Variants in LIPK observed in about 807,000 individuals in gnomAD.
LIPK encodes lipase member K.
Under a neutral mutation model 48.6 loss-of-function variants are expected in LIPK, and 32 were observed. That is an observed-to-expected ratio of 0.66 (90% CI 0.50 to 0.88). The LOEUF (loss-of-function observed/expected upper bound fraction) is 0.88, where lower values mean the gene tolerates loss of function less well. Ranked by LOEUF, LIPK falls within the 40% of genes least tolerant of loss-of-function variation. The pLI, the probability that LIPK is intolerant of heterozygous loss-of-function variation, is 0.00. For synonymous variants in LIPK, 164 were observed against 157.4 expected (o/e 1.04, Z -0.32); for missense variants, 507 against 478.5 (o/e 1.06, Z -0.56).
At chr10:88,743,152 T>C in intron 8 of LIPK, 98 bp from the exon 9 acceptor site, 1 of 674,086 alleles carries the variant, frequency 1.5e-6, no homozygotes, top group Non-Finnish European at 2.5e-6. Flanking sequence ...TTCTAAAGAC[T>C]GGGGCATAAT....
chr10:88,719,589 T>C (rs1414227325), intron 1 of LIPK, among the ~76,000 whole-genome samples: 1 of 152,234 alleles, frequency 6.6e-6, no homozygotes, highest in Non-Finnish European at 1.5e-5. Flanking sequence ...AATTCTTCTG[T>C]AGAAACTGAC....
chr10:88,752,724 A>C lies in LIPK; in HGVS notation c.1168A>C (p.Ile390Leu), dbSNP rs1292633222. The change falls in exon 10 of 10, where the codon ATT becomes CTT. Residue 390 changes from isoleucine to leucine, a missense_variant. Transcript: ENST00000404190. Reference protein sequence around the residue: ...DAPQEIYQDLIILMEEYLQN With the variant: ...DAPQEIYQDLLILMEEYLQN ...ACCTCAGGAAATTTACCAAGACCTA[A>C]TTATATTGATGGAAGAATATTTACA... is the stretch of plus-strand genomic sequence containing the variant. The C allele has an allele frequency of 6.4e-7, 1 of 1,558,968 alleles. No individual in the cohort carries two copies. The highest frequency in any genetic ancestry group is 1.9e-5 in the Admixed American group (1 of 52,958).
At chr10:88,726,618 G>A (rs567516448) in intron 2 of LIPK, among the ~76,000 whole-genome samples, 177 bp from the exon 3 acceptor site, 2 of 152,228 alleles carry the variant, frequency 1.3e-5, no homozygotes, top group Admixed American at 6.5e-5. Flanking sequence ...AGCTTGAGCC[G>A]AGGAGGCGAA....
intron 1 of LIPK, among the ~76,000 whole-genome samples, chr10:88,715,609 T>C (rs552695193): frequency 6.6e-6 from 1 of 152,242 alleles, no homozygotes; most frequent in Admixed American, 6.5e-5. Context: ...TTGCCTTTTT[T>C]TAGAGTATTT....
rs761431238 is a variant in LIPK at position 88,739,967 on chromosome 10, C to T, written c.817-29C>T. 3 of 1,485,512 alleles carry T rather than the reference C, an allele frequency of 2.0e-6. No individual in the cohort carries two copies. In the African/African-American group the frequency reaches 4.1e-5, roughly 21 times the overall value. The allele number at this position is 1,485,512 out of a possible 1,614,324, so 92.0% of individuals were successfully genotyped here. A position where few individuals can be genotyped will look rare whatever the true frequency, so the allele number is the denominator to read the frequency against. On this transcript the variant is annotated intron_variant, in intron 7 of 9. Coordinates refer to ENST00000404190, the MANE Select transcript of LIPK (RefSeq NM_001080518.2). ...ACTTGTGGTATGATGATATGATTAG[C>T]CTCTAGATGAGAAGTAATCTCTTTG...
chr10:88,706,580 A>C (rs1841939761), intron 1 of LIPK, among the ~76,000 whole-genome samples: 1 of 152,140 alleles, frequency 6.6e-6, no homozygotes, highest in East Asian at 1.9e-4. Flanking sequence ...CAGTGAGAGG[A>C]GGTATCACAA....
intron 1 of LIPK, among the ~76,000 whole-genome samples, chr10:88,722,145 A>G (rs1243138892): frequency 6.6e-6 from 1 of 152,116 alleles, no homozygotes; most frequent in Non-Finnish European, 1.5e-5. Context: ...TAAAACTACA[A>G]AAAATTAGGT....
chr10:88,728,314 C>G (rs1388337399), intron 3 of LIPK: 2 of 177,804 alleles, frequency 1.1e-5, no homozygotes, highest in Admixed American at 6.1e-5. Flanking sequence ...CCAGCCGCAG[C>G]TGGGCCAAGG....
chr10:88,720,482 G>A (rs898943210), intron 1 of LIPK, among the ~76,000 whole-genome samples: 46 of 152,098 alleles, frequency 3.0e-4, no homozygotes, highest in Admixed American at 2.1e-3. Context: ...ACAAGTTTAC[G>A]TATATAACAA....
At chr10:88,722,889 CTT>C (rs398014386) in intron 1 of LIPK, among the ~76,000 whole-genome samples, 6 of 113,202 alleles carry the variant, frequency 5.3e-5, no homozygotes, top group Non-Finnish European at 8.4e-5. Context: ...TTTCTTTTTT[CTT>C]TTTTTTTTTT....
intron 1 of LIPK, among the ~76,000 whole-genome samples, chr10:88,716,356 CTTTTTTTTT>C (rs11374780): frequency 2.5e-5 from 3 of 120,338 alleles, no homozygotes; most frequent in Non-Finnish European, 3.3e-5. Context: ...AGGAAAATTT[CTTTTTTTTT>C]TTTTTTTTTT....
intron 7 of LIPK, among the ~76,000 whole-genome samples, chr10:88,739,169 C>CTGA (rs543926580): frequency 0.015 from 2,158 of 145,176 alleles, 50 homozygotes; most frequent in African/African-American, 0.051. Context: ...TCTAAATATA[C>CTGA]CGACTGAATT....
At chr10:88,728,810 T>C in intron 3 of LIPK, 1 of 175,582 alleles carries the variant, frequency 5.7e-6, no homozygotes, top group Non-Finnish European at 1.2e-5. Flanking sequence ...TGGCGGGGAC[T>C]CCGGCTCTTT....
At chr10:88,718,991 G>A (rs965923648) in intron 1 of LIPK, among the ~76,000 whole-genome samples, 1 of 152,080 alleles carries the variant, frequency 6.6e-6, no homozygotes, top group Non-Finnish European at 1.5e-5. Flanking sequence ...CAAAACTAGA[G>A]ACACAGAAGA....
In LIPK at chr10:88,732,485, T is replaced by G. The variant is rs753689269; in HGVS notation, c.603T>G (p.Val201=). The change falls in exon 6 of 10, where the codon GTT becomes GTG. Residue 201 remains valine (V), a synonymous_variant. Transcript: ENST00000404190. ...KIKIFFALAP[V]VTVKYTQSPM... is the part of the protein sequence containing the mutation. ...AGATATTTTTTGCACTGGCTCCAGT[T>G]GTCACAGTTAAATACACCCAAAGTC... is the stretch of plus-strand genomic sequence containing the variant. The G allele has an allele frequency of 2.5e-6, 4 of 1,613,902 alleles. No individual in the cohort carries two copies. The South Asian group carries it at 4.4e-5, about 18-fold the overall frequency.
At position 88,721,495 on chromosome 10, in the gene LIPK, C is replaced by G. The variant is rs1199316139; in HGVS notation, c.-11-3038C>G. On this transcript the variant is annotated intron_variant, in intron 1 of 9. Coordinates refer to ENST00000404190, the MANE Select transcript of LIPK (RefSeq NM_001080518.2). ...GCTGCGGTGTGTCATCCTTCTATAT[C>G]CAGATCCATATAACACAGGGGAACA... Among the ~76,000 whole-genome samples the G allele has an allele frequency of 2.6e-5, 4 of 152,288 alleles. No individual in the cohort carries two copies. In the East Asian group the frequency reaches 5.8e-4, roughly 22 times the overall value.
At chr10:88,749,747 G>A (rs1842831970) in intron 9 of LIPK, among the ~76,000 whole-genome samples, 1 of 152,086 alleles carries the variant, frequency 6.6e-6, no homozygotes, top group Non-Finnish European at 1.5e-5. Flanking sequence ...TGATAAAGAT[G>A]CAAAAATTTC....
chr10:88,717,829 GAT>G (rs1842148180), intron 1 of LIPK, among the ~76,000 whole-genome samples: 1 of 150,970 alleles, frequency 6.6e-6, no homozygotes, highest in Admixed American at 6.6e-5. Flanking sequence ...AGCTTATTAA[GAT>G]AAGAAGTGAA....
Position 88,752,552 on chromosome 10 carries a change from A to G in LIPK, c.996A>G (p.Glu332=). The change falls in exon 10 of 10, where the codon GAA becomes GAG. Residue 332 remains glutamate (E), a synonymous_variant. Coordinates refer to ENST00000404190, the MANE Select transcript of LIPK (RefSeq NM_001080518.2). ...TPPLYNITKM[E]VPTAIWNGGQ... Reference sequence around the variant, plus strand: ...CTTTATACAACATTACTAAGATGGAAGTTCCAACAGCAATATGGAATGGTG... The same window carrying G: ...CTTTATACAACATTACTAAGATGGAGGTTCCAACAGCAATATGGAATGGTG... 2 of 1,563,014 alleles carry G rather than the reference A, an allele frequency of 1.3e-6. No homozygotes were observed. Among genetic ancestry groups the G allele is most frequent in the Non-Finnish European group, 1.7e-6 (2 of 1,149,814 alleles).
Sources: gnomAD v4.1 joint callset for allele counts (sites outside exome capture counted in the v4.1 genomes callset) on GRCh38, gnomAD v4.1.1 for gene constraint, MANE v1.5 for transcripts, NCBI Gene and HGNC (gene_info 2026-07-23, HGNC 2026-07-21) for gene names.